The following PREX1 variants were observed in gnomAD, a reference collection of about 807,000 sequenced individuals.
The protein encoded by PREX1 is phosphatidylinositol 3,4,5-trisphosphate-dependent Rac exchanger 1 protein.
PREX1 carries 41 observed loss-of-function variants against 198.3 expected under a neutral mutation model. The ratio of observed to expected loss-of-function variants is 0.21; its 90% CI spans 0.16 to 0.27. The LOEUF (loss-of-function observed/expected upper bound fraction) is 0.27. Ranked by LOEUF, PREX1 falls within the 10% of genes least tolerant of loss-of-function variation. The pLI, the probability that PREX1 is intolerant of heterozygous loss-of-function variation, is 1.00. For missense variants in PREX1, 1,620 were observed against 2,200.7 expected (o/e 0.74, Z 5.28); for synonymous variants, 843 against 887.2 (o/e 0.95, Z 0.89).
chr20:48,814,212 C>T (rs1423039035), intron 1 of PREX1, among the ~76,000 whole-genome samples: 1 of 152,242 alleles, frequency 6.6e-6, no homozygotes, highest in Non-Finnish European at 1.5e-5. Context: ...TCATTTCTTC[C>T]ACAAATGCTA....
chr20:48,696,345 T>C (rs1228996503), intron 7 of PREX1, among the ~76,000 whole-genome samples: 3 of 152,238 alleles, frequency 2.0e-5, no homozygotes, highest in African/African-American at 7.2e-5. Context: ...CACCATTTAT[T>C]GTACTGCATT....
the PREX1 span, among the ~76,000 whole-genome samples, chr20:48,838,284 T>G: frequency 1.3e-5 from 2 of 152,368 alleles, no homozygotes; most frequent in South Asian, 4.1e-4. Context: ...TTTCCCTATG[T>G]GTTCTCTGTT....
At chr20:48,861,061 G>T in the PREX1 span, among the ~76,000 whole-genome samples, 22 of 152,276 alleles carry the variant, frequency 1.4e-4, no homozygotes, top group South Asian at 3.9e-3. Context: ...CTTTCTGACG[G>T]GAAGGAAAGG....
chr20:48,759,783 C>T (rs2090171236), intron 1 of PREX1, among the ~76,000 whole-genome samples: 1 of 152,048 alleles, frequency 6.6e-6, no homozygotes, highest in Admixed American at 6.6e-5. Flanking sequence ...GTCCCTGGTG[C>T]ATAGCAGGTG....
the PREX1 span, among the ~76,000 whole-genome samples, chr20:48,856,192 G>A: frequency 6.6e-6 from 1 of 152,224 alleles, no homozygotes; most frequent in African/African-American, 2.4e-5. Context: ...GGCAGACAAG[G>A]CCTTGCTGTC....
intron 32 of PREX1, among the ~76,000 whole-genome samples, chr20:48,635,334 C>T (rs768875554): frequency 6.6e-6 from 1 of 152,174 alleles, no homozygotes; most frequent in Non-Finnish European, 1.5e-5. Flanking sequence ...AAGATGACAC[C>T]AGGTTTCCCT....
chr20:48,808,213 G>T (rs915646197), intron 1 of PREX1, among the ~76,000 whole-genome samples: 1 of 152,140 alleles, frequency 6.6e-6, no homozygotes, highest in African/African-American at 2.4e-5. Flanking sequence ...AGCTGGAGCG[G>T]CCCCAAATTC....
chr20:48,651,156 G>A, intron 22 of PREX1, 101 bp from the exon 23 acceptor site: 2 of 1,431,478 alleles, frequency 1.4e-6, no homozygotes, highest in East Asian at 2.4e-5. Context: ...TACCCCCCGG[G>A]AAGTCAGGTG....
At chr20:48,825,207 C>T (rs1421872995) in intron 1 of PREX1, among the ~76,000 whole-genome samples, 3 of 152,194 alleles carry the variant, frequency 2.0e-5, no homozygotes, top group East Asian at 3.9e-4. Flanking sequence ...GAGAGGACTC[C>T]TGTGGCTCAC....
Position 48,627,858 on chromosome 20 carries a change from C to T in PREX1, c.4869+3G>A. 6.2e-7 allele frequency: 1 copy of T among 1,612,176 alleles called. No individual in the cohort carries two copies. Among genetic ancestry groups the T allele is most frequent in the Non-Finnish European group, 8.5e-7 (1 of 1,179,594 alleles). On this transcript the variant is annotated splice_donor_region_variant and intron_variant, in intron 38 of 39. Transcript: ENST00000371941. ...GGAGGACCCTGTGGCCAAGCGGCCT[C>T]ACCTGCTTCCGCATGATGTCCGTGG...
intron 3 of PREX1, among the ~76,000 whole-genome samples, chr20:48,737,864 C>T (rs2090063983): frequency 6.6e-6 from 1 of 152,114 alleles, no homozygotes; most frequent in Non-Finnish European, 1.5e-5. Context: ...AAGACCTGGT[C>T]CTGAAATCAT....
intron 13 of PREX1, among the ~76,000 whole-genome samples, chr20:48,676,822 C>T (rs1426724636): frequency 6.6e-6 from 1 of 152,172 alleles, no homozygotes; most frequent in Admixed American, 6.5e-5. Flanking sequence ...TTGTGGTTGA[C>T]ATTGATGTAT....
chr20:48,767,938 C>T (rs963852133), intron 1 of PREX1, among the ~76,000 whole-genome samples: 1 of 152,208 alleles, frequency 6.6e-6, no homozygotes, highest in African/African-American at 2.4e-5. Context: ...CCCTGTAATG[C>T]AGGTAGCACA....
chr20:48,808,620 T>G (rs957298441), intron 1 of PREX1, among the ~76,000 whole-genome samples: 3 of 152,052 alleles, frequency 2.0e-5, no homozygotes. Flanking sequence ...GCTGAAACAC[T>G]CCAAGGACAA....
At chr20:48,771,616 G>A (rs559068247) in intron 1 of PREX1, among the ~76,000 whole-genome samples, 7 of 152,190 alleles carry the variant, frequency 4.6e-5, no homozygotes, top group South Asian at 2.1e-4. Context: ...CAGCCTGGGC[G>A]ACAGGAGCAA....
intron 1 of PREX1, among the ~76,000 whole-genome samples, chr20:48,776,625 G>A (rs546104004): frequency 6.0e-5 from 9 of 150,622 alleles, no homozygotes; most frequent in South Asian, 2.1e-4. Flanking sequence ...TTGTAGGGCT[G>A]GAGGCCTCTA....
At chr20:48,843,845 T>C in the PREX1 span, among the ~76,000 whole-genome samples, 1 of 152,132 alleles carries the variant, frequency 6.6e-6, no homozygotes, top group Non-Finnish European at 1.5e-5. Flanking sequence ...GACTGCCAAG[T>C]CCAAATCTAG....
intron 4 of PREX1, among the ~76,000 whole-genome samples, chr20:48,732,468 C>T (rs148367663): frequency 1.9e-3 from 282 of 152,148 alleles, no homozygotes; most frequent in Non-Finnish European, 3.4e-3. Flanking sequence ...ATACTGAATT[C>T]GGTATGTGCT....
intron 1 of PREX1, among the ~76,000 whole-genome samples, chr20:48,752,045 T>C (rs1766883096): frequency 6.6e-6 from 1 of 152,232 alleles, no homozygotes; most frequent in Admixed American, 6.5e-5. Flanking sequence ...TATCTTGATC[T>C]GAGCAGTGGA....
Sources: allele counts gnomAD v4.1 joint callset (sites outside exome capture counted in the v4.1 genomes callset), GRCh38; gene constraint gnomAD v4.1.1; transcripts MANE v1.5; gene names NCBI Gene and HGNC (gene_info 2026-07-23, HGNC 2026-07-21).